Variants in SLC37A2 observed in about 807,000 individuals in gnomAD.
SLC37A2 encodes the protein glucose-6-phosphate exchanger SLC37A2.
SLC37A2 carries 59 observed loss-of-function variants against 70.7 expected under a neutral mutation model. That is an observed-to-expected ratio of 0.83 (90% CI 0.68 to 1.04). SLC37A2 has a LOEUF of 1.04. Among genes scored for constraint, SLC37A2 ranks in the 50% least tolerant of loss-of-function variants. The pLI, the probability that SLC37A2 is intolerant of heterozygous loss-of-function variation, is 0.00. For synonymous variants in SLC37A2, 257 were observed against 262.1 expected (o/e 0.98, Z 0.19); for missense variants, 580 against 658.1 (o/e 0.88, Z 1.30).
At chr11:125,085,187 G>A (rs551443438) in intron 14 of SLC37A2, 48 bp downstream of exon 14, 3 of 1,564,580 alleles carry the variant, frequency 1.9e-6, no homozygotes, top group South Asian at 2.2e-5. Flanking sequence ...TGGGGGCTTG[G>A]TCAGGGCCAC....
Position 125,069,136 on chromosome 11 carries a change from A to T in SLC37A2, c.59+5710A>T, listed in dbSNP as rs545044492. On this transcript the variant is annotated intron_variant, in intron 1 of 17. Transcript: ENST00000403796. ...CTATATTCTATTTGTTTTTCCTACT[A>T]CTTTGTGCCAGGCATTGTTTATTTG... is the stretch of plus-strand genomic sequence containing the variant. Among the ~76,000 whole-genome samples the T allele has an allele frequency of 9.2e-5, 14 of 152,304 alleles. No individual in the cohort carries two copies. In the South Asian group the frequency reaches 2.9e-3, roughly 32 times the overall value.
At position 125,085,423 on chromosome 11, in the gene SLC37A2, C is replaced by G. The variant is rs764899397; in HGVS notation, c.1277C>G (p.Ala426Gly). Residue 426 changes from alanine (A) to glycine (G), a missense_variant, in exon 15 of 18, where the codon GCC (alanine) becomes GGC (glycine). Transcript: ENST00000403796. ...LGTHKSLKGNAKALSTVTAII... is the reference protein window; with the variant it reads ...LGTHKSLKGNGKALSTVTAII... ...ACTCACAAGAGCCTGAAGGGCAACG[C>G]CAAAGCCCTGTCCACGGTCACGGCC... is the stretch of plus-strand genomic sequence containing the variant. 1 of 1,614,000 alleles carries G rather than the reference C, an allele frequency of 6.2e-7. No individual in the cohort carries two copies. Among genetic ancestry groups the G allele is most frequent in the Admixed American group, 1.7e-5 (1 of 60,030 alleles).
At chr11:125,071,952 C>G (rs1037516449) in intron 1 of SLC37A2, among the ~76,000 whole-genome samples, 1 of 152,126 alleles carries the variant, frequency 6.6e-6, no homozygotes, top group Non-Finnish European at 1.5e-5. Flanking sequence ...CAGTCACGTC[C>G]GAGAAGAGAC....
chr11:125,077,106 G>A, intron 2 of SLC37A2, 124 bp from the exon 3 acceptor site: 1 of 817,092 alleles, frequency 1.2e-6, no homozygotes, highest in East Asian at 2.4e-5. Context: ...TCCTGCAGGA[G>A]GAGGTGCCAG....
At chr11:125,068,719 C>T (rs1949003282) in intron 1 of SLC37A2, among the ~76,000 whole-genome samples, 1 of 152,234 alleles carries the variant, frequency 6.6e-6, no homozygotes, top group African/African-American at 2.4e-5. Context: ...GCATGGAATA[C>T]ATGGCGGCTT....
rs1282295252 is a variant in SLC37A2 at position 125,080,437 on chromosome 11, G to A, written c.528-177G>A. Among the ~76,000 whole-genome samples the A allele has an allele frequency of 2.0e-5, 3 of 152,212 alleles. No homozygotes were observed. The highest frequency in any genetic ancestry group is 7.2e-5 in the African/African-American group (3 of 41,450). On this transcript the variant is annotated intron_variant, in intron 6 of 17. Coordinates refer to ENST00000403796, the MANE Select transcript of SLC37A2 (RefSeq NM_001145290.2). This position sits in a 1 kb window ranked among gnomAD's most constrained non-coding sequence, Gnocchi z 4.3. ...GAGACCACAGGCCCTGCAGCCACCT[G>A]CTTGACACCATCCAAGGTCTCCCAC...
chr11:125,088,490 G>T lies in SLC37A2; in HGVS notation c.*356G>T, dbSNP rs1949247297. On this transcript the variant is annotated 3_prime_UTR_variant, in exon 18 of 18. Transcript: ENST00000403796. ...TCACAAGGCCAACGCCTGGAAAATG[G>T]GCATCTCTCCTTCCCATGTTAAGCT... The T allele has an allele frequency of 4.0e-6, 1 of 251,366 alleles. No homozygotes were observed. Among genetic ancestry groups the T allele is most frequent in the Non-Finnish European group, 7.6e-6 (1 of 131,408 alleles). 15.6% of individuals were successfully genotyped at this position (251,366 alleles called of 1,614,324 possible).
chr11:125,077,323 G>A lies in SLC37A2; in HGVS notation c.235G>A (p.Asp79Asn), dbSNP rs375812785. ...CATGTGGTGCAGCTGGGCCCCATTT[G>A]GTAAGAACAGGGCAAGTTGCTCTTC... is the stretch of plus-strand genomic sequence containing the variant. ...DTMWCSWAPF[D>N]KDNYKELLGG... is the part of the protein sequence containing the mutation. The change falls in exon 3 of 18, where the codon GAC becomes AAC. Residue 79 changes from aspartate to asparagine, a missense_variant and splice_region_variant. By Grantham distance (23) the Asp-to-Asn change is conservative. Coordinates refer to ENST00000403796, the MANE Select transcript of SLC37A2 (RefSeq NM_001145290.2). 1 of 1,600,392 alleles carries A rather than the reference G, an allele frequency of 6.2e-7. No homozygotes were observed. The highest frequency in any genetic ancestry group is 8.5e-7 in the Non-Finnish European group (1 of 1,173,584).
At position 125,088,273 on chromosome 11, in the gene SLC37A2, AG is replaced by A; in HGVS notation, c.*142del. Reference sequence around the variant, plus strand: ...CATTAGCCAGCCCAGCCCAGACCCCAGGGCTGCCTAAGGACACAGAGATTCT... The same window carrying A: ...CATTAGCCAGCCCAGCCCAGACCCCAGGCTGCCTAAGGACACAGAGATTCT... On this transcript the variant is annotated 3_prime_UTR_variant, in exon 18 of 18. Coordinates refer to ENST00000403796, the MANE Select transcript of SLC37A2 (RefSeq NM_001145290.2). 1.1e-6 allele frequency: 1 copy of A among 943,090 alleles called. No individual in the cohort carries two copies. 58.4% of individuals were successfully genotyped at this position (943,090 alleles called of 1,614,324 possible).
chr11:125,077,156 G>A (rs1949095857), intron 2 of SLC37A2, 74 bp from the exon 3 acceptor site: 2 of 1,178,366 alleles, frequency 1.7e-6, no homozygotes, highest in Non-Finnish European at 1.2e-6. Flanking sequence ...AGTGTCTCCA[G>A]TATGGTTGGG....
chr11:125,073,039 C>T (rs1392607978), intron 1 of SLC37A2, among the ~76,000 whole-genome samples: 1 of 152,196 alleles, frequency 6.6e-6, no homozygotes, highest in Non-Finnish European at 1.5e-5. Context: ...AGGGTTTCTA[C>T]TGGCAGCATC....
In SLC37A2 at chr11:125,089,072, T is replaced by G. The variant is rs1473231733; in HGVS notation, c.*938T>G. The G allele has an allele frequency of 6.6e-6, 1 of 152,310 alleles. No individual in the cohort carries two copies. The highest frequency in any genetic ancestry group is 1.9e-4 in the East Asian group (1 of 5,196). The allele number at this position is 152,310 out of a possible 1,614,324, so 9.4% of individuals were successfully genotyped here. A position where few individuals can be genotyped will look rare whatever the true frequency, so the allele number is the denominator to read the frequency against. ...ATGAATGGTTCATTCAGGCAGCTGC[T>G]GCAGATGTGGTCACCTGGTGCCATC... On this transcript the variant is annotated 3_prime_UTR_variant, in exon 18 of 18. Coordinates refer to ENST00000403796, the MANE Select transcript of SLC37A2 (RefSeq NM_001145290.2).
In SLC37A2 at chr11:125,083,019, C is replaced by T. The variant is rs1591633846; in HGVS notation, c.976+685C>T. 6.6e-6 allele frequency: 1 copy of T among 152,630 alleles called. No homozygotes were observed. The highest frequency in any genetic ancestry group is 2.1e-4 in the South Asian group (1 of 4,838). 9.5% of individuals were successfully genotyped at this position (152,630 alleles called of 1,614,324 possible). A position where few individuals can be genotyped will look rare whatever the true frequency, so the allele number is the denominator to read the frequency against. On this transcript the variant is annotated intron_variant, in intron 10 of 17. Transcript: ENST00000403796. This position sits in a 1 kb window ranked among gnomAD's most constrained non-coding sequence, Gnocchi z 4.6. ...AGCCCACCCCGCCCTGCCCAGCCCC[C>T]AGGAGCCTCCAAGCTCCACCAGGGC...
At position 125,085,124 on chromosome 11, in the gene SLC37A2, T is replaced by C. The variant is rs748205931; in HGVS notation, c.1233T>C (p.Ala411=). 1.9e-6 allele frequency: 3 copies of C among 1,613,996 alleles called. No homozygotes were observed. The highest frequency in any genetic ancestry group is 2.5e-6 in the Non-Finnish European group (3 of 1,179,914). ...VNGPYALITT[A]VSADLGTHKS... ...GCCCATACGCGCTCATCACCACTGC[T>C]GTCTCTGCTGATCTGGTGAGTGGGG... Residue 411 remains alanine, a synonymous_variant, in exon 14 of 18, where the codon GCT becomes GCC. Coordinates refer to ENST00000403796, the MANE Select transcript of SLC37A2 (RefSeq NM_001145290.2).
chr11:125,087,946 A>T, intron 17 of SLC37A2, 173 bp from the exon 18 acceptor site: 1 of 701,376 alleles, frequency 1.4e-6, no homozygotes, highest in Non-Finnish European at 2.4e-6. Context: ...TTTAAATATT[A>T]ATCTAGCTTG....
intron 17 of SLC37A2, chr11:125,086,321 C>T (rs138564798): frequency 0.024 from 30,048 of 1,241,876 alleles, 466 homozygotes; most frequent in Middle Eastern, 0.043. Flanking sequence ...GCATGCAAAT[C>T]CTCTGTCCTG....
In SLC37A2 at chr11:125,079,170, A is replaced by G. The variant is rs151188533; in HGVS notation, c.373A>G (p.Ser125Gly). The change falls in exon 5 of 18, where the codon AGT becomes GGT. Residue 125 changes from serine (S) to glycine (G), a missense_variant. Coordinates refer to ENST00000403796, the MANE Select transcript of SLC37A2 (RefSeq NM_001145290.2). ...CTACCTCTCAGCTGGAATGCTGCTC[A>G]GTGGCCTTTTCACCTCGCTCTTTGG... ...RYYLSAGMLLSGLFTSLFGLG... is the reference protein window; with the variant it reads ...RYYLSAGMLLGGLFTSLFGLG... 8.7e-5 allele frequency: 140 copies of G among 1,614,102 alleles called. No individual in the cohort carries two copies. The highest frequency in any genetic ancestry group is 4.9e-4 in the Middle Eastern group (3 of 6,084).
intron 5 of SLC37A2, 80 bp from the exon 6 acceptor site, chr11:125,079,604 C>T (rs1039619641): frequency 1.7e-6 from 2 of 1,172,458 alleles, no homozygotes; most frequent in East Asian, 2.5e-5. Flanking sequence ...AATTGAACCT[C>T]CTCAGCCCAG....
chr11:125,064,649 T>C (rs1241854181), intron 1 of SLC37A2, among the ~76,000 whole-genome samples: 2 of 152,228 alleles, frequency 1.3e-5, no homozygotes, highest in Admixed American at 1.3e-4. Context: ...AGTTGGAGAC[T>C]GTTAAAAGAT....
Sources: gnomAD v4.1 joint callset for allele counts (sites outside exome capture counted in the v4.1 genomes callset) on GRCh38, gnomAD v4.1.1 for gene constraint, Gnocchi (gnomAD v3.1) non-coding constraint, MANE v1.5 for transcripts, NCBI Gene and HGNC (gene_info 2026-07-23, HGNC 2026-07-21) for gene names.